Variants in LETMD1 observed in about 807,000 individuals in gnomAD.
The protein encoded by LETMD1 is LETM1 domain-containing protein 1.
Under a neutral mutation model 43.9 loss-of-function variants are expected in LETMD1, and 30 were observed. The ratio of observed to expected loss-of-function variants is 0.68; its 90% confidence interval spans 0.51 to 0.93. The LOEUF is 0.93. LETMD1 is among the 40% of genes least tolerant of loss of function. The pLI is 0.00. For missense variants in LETMD1, 413 were observed against 447.7 expected (o/e 0.92, Z 0.70); for synonymous variants, 176 against 163.1 (o/e 1.08, Z -0.60).
chr12:51,055,954 T>A lies in LETMD1; in HGVS notation c.593T>A (p.Leu198Ter). 6.2e-7 allele frequency: 1 copy of A among 1,614,146 alleles called. No individual in the cohort carries two copies. The highest frequency in any genetic ancestry group is 1.1e-5 in the South Asian group (1 of 91,080). Residue 198 changes from leucine (L) to a stop codon, truncating the protein, a stop_gained, in exon 5 of 9, where the codon TTA (leucine) becomes TAA (stop). Coordinates refer to ENST00000262055, the MANE Select transcript of LETMD1 (RefSeq NM_015416.5). LOFTEE classifies it high-confidence loss of function. ...TCCCACCCAGAAATTATTAGTTATT[T>A]AGAAAAGGTCATCCCTCTCATTTCT... ...KQSHPEIISY[L>*]EKVIPLISDA...
upstream of LETMD1, chr12:51,048,279 C>A: frequency 1.3e-6 from 2 of 1,589,842 alleles, no homozygotes; most frequent in Non-Finnish European, 1.7e-6. Context: ...AAGACGCATG[C>A]GTCTTCGAAC....
intron 2 of LETMD1, chr12:51,049,537 C>T (rs1481082986): frequency 1.0e-5 from 2 of 191,598 alleles, no homozygotes; most frequent in Non-Finnish European, 2.2e-5. Flanking sequence ...AGTTGACTTA[C>T]CCATAGGAAA....
At position 51,059,740 on chromosome 12, in the gene LETMD1, C is replaced by A; in HGVS notation, c.*309C>A. The A allele has an allele frequency of 2.8e-6, 1 of 353,044 alleles. No homozygotes were observed. Among genetic ancestry groups the A allele is most frequent in the Non-Finnish European group, 5.4e-6 (1 of 184,858 alleles). 21.9% of individuals were successfully genotyped at this position (353,044 alleles called of 1,614,324 possible). ...GGCTTTTACTGTGATGTGTTCAGTT[C>A]ATGTCCTAGGAAGTCAGCTTTTGCC... On this transcript the variant is annotated 3_prime_UTR_variant, in exon 9 of 9. Transcript: ENST00000262055.
At chr12:51,058,229 T>C (rs1323553348) in intron 8 of LETMD1, 101 bp downstream of exon 8, 1 of 753,472 alleles carries the variant, frequency 1.3e-6, no homozygotes, top group Non-Finnish European at 2.3e-6. Flanking sequence ...GTGAGACATA[T>C]ATATACATAC....
intron 1 of LETMD1, chr12:51,048,733 G>C: frequency 1.7e-6 from 1 of 601,144 alleles, no homozygotes; most frequent in South Asian, 2.1e-5. Flanking sequence ...TTCGGCTCAG[G>C]TTTTACCGCT....
At chr12:51,064,176 G>C (rs768093517), downstream of LETMD1, 33 of 1,614,168 alleles carry the variant, frequency 2.0e-5, no homozygotes, top group Non-Finnish European at 2.8e-5. Flanking sequence ...TGAGGCAGTT[G>C]GGTGGTCTGA....
the LETMD1 span, among the ~76,000 whole-genome samples, chr12:51,067,185 C>A: frequency 6.6e-6 from 1 of 151,948 alleles, no homozygotes; most frequent in Non-Finnish European, 1.5e-5. The surrounding 1 kb of genome is among the most constrained non-coding windows in gnomAD (Gnocchi z 4.1). Context: ...TTAGGAAATA[C>A]TGTTTAGGAA....
chr12:51,064,455 G>C (rs200011790), downstream of LETMD1: 1 of 1,610,502 alleles, frequency 6.2e-7, no homozygotes, highest in Non-Finnish European at 8.5e-7. Context: ...CTGGGTCTCA[G>C]AGCCCTGTGC....
intron 2 of LETMD1, 105 bp downstream of exon 2, chr12:51,049,290 C>T: frequency 1.0e-6 from 1 of 960,840 alleles, no homozygotes; most frequent in Non-Finnish European, 1.5e-6. Context: ...GGATGTGAGC[C>T]GAGATATCTT....
chr12:51,068,251 G>A, the LETMD1 span, among the ~76,000 whole-genome samples: 1 of 152,092 alleles, frequency 6.6e-6, no homozygotes, highest in Non-Finnish European at 1.5e-5. Flanking sequence ...TCCGCCTCCC[G>A]GGTTCAAGCG....
intron 4 of LETMD1, among the ~76,000 whole-genome samples, chr12:51,055,087 G>A (rs185428519): frequency 4.1e-4 from 63 of 151,870 alleles, no homozygotes; most frequent in Non-Finnish European, 1.2e-4. Context: ...GTGACAGAGC[G>A]AGACTCTGTC....
At chr12:51,059,271 T>C (rs934205108) in intron 8 of LETMD1, 90 bp from the exon 9 acceptor site, 1 of 1,144,422 alleles carries the variant, frequency 8.7e-7, no homozygotes, top group Non-Finnish European at 1.3e-6. Context: ...CTCCCTGCAC[T>C]TGGCTTCCTG....
In LETMD1 at chr12:51,059,532, G is replaced by A; in HGVS notation, c.*101G>A. The A allele has an allele frequency of 9.6e-7, 1 of 1,045,728 alleles. No homozygotes were observed. The highest frequency in any genetic ancestry group is 1.5e-6 in the Non-Finnish European group (1 of 673,418). The allele number at this position is 1,045,728 out of a possible 1,614,324, so 64.8% of individuals were successfully genotyped here. A position where few individuals can be genotyped will look rare whatever the true frequency, so the allele number is the denominator to read the frequency against. On this transcript the variant is annotated 3_prime_UTR_variant, in exon 9 of 9. Transcript: ENST00000262055. ...AAAGTCTGTGTGTACTGTTAAGTGT[G>A]TGGGAGGCAGAGAGAGGAGCAGGGG...
At chr12:51,051,649 G>T (rs59936854) in intron 2 of LETMD1, among the ~76,000 whole-genome samples, 20,320 of 151,838 alleles carry the variant, frequency 0.13, 1,846 homozygotes, top group East Asian at 0.48. Context: ...GGAGGTTGCA[G>T]TCAGCCGAAA....
At chr12:51,059,312 A>C in intron 8 of LETMD1, 49 bp from the exon 9 acceptor site, 6 of 1,510,088 alleles carry the variant, frequency 4.0e-6, no homozygotes, top group Non-Finnish European at 5.5e-6. Flanking sequence ...ATAACAAGGC[A>C]GTTATAAGGC....
At chr12:51,062,665 ACAGTATAAGAACTCTAACC>A (rs1172782250), downstream of LETMD1, 11 of 152,230 alleles carry the variant, frequency 7.2e-5, no homozygotes, top group Non-Finnish European at 1.3e-4. Context: ...TTGAACTGGA[ACAGTATAAGAACTCTAACC>A]CGCTATGTTG....
rs1163861814 is a variant in LETMD1 at position 51,053,809 on chromosome 12, T to C, written c.422T>C (p.Leu141Pro). ...CAAGACGTCACCAAGTGTCTTTTCC[T>C]AGGTATTATTTCCATTCCACCTTTT... ...FRQDVTKCLF[L>P]GIISIPPFAN... is the part of the protein sequence containing the mutation. The change falls in exon 4 of 9, where the codon CTA becomes CCA. Residue 141 changes from leucine to proline, a missense_variant. Coordinates refer to ENST00000262055, the MANE Select transcript of LETMD1 (RefSeq NM_015416.5). 2 of 1,613,636 alleles carry C rather than the reference T, an allele frequency of 1.2e-6. No individual in the cohort carries two copies. The highest frequency in any genetic ancestry group is 2.7e-5 in the African/African-American group (2 of 74,928).
chr12:51,057,630 T>C, intron 7 of LETMD1: 2 of 175,960 alleles, frequency 1.1e-5, no homozygotes, highest in South Asian at 2.3e-4. Flanking sequence ...ATTGTAACTT[T>C]TTTTTTTTTT....
chr12:51,066,773 A>C, the LETMD1 span, among the ~76,000 whole-genome samples: 1 of 152,184 alleles, frequency 6.6e-6, no homozygotes, highest in Non-Finnish European at 1.5e-5. Context: ...TCAAAATTGG[A>C]GTAGAGGTAC....
Sources: allele counts gnomAD v4.1 joint callset (sites outside exome capture counted in the v4.1 genomes callset), GRCh38; gene constraint gnomAD v4.1.1; non-coding constraint Gnocchi (gnomAD v3.1); transcripts MANE v1.5; gene names NCBI Gene and HGNC (gene_info 2026-07-23, HGNC 2026-07-21).